NVL: variants seen among roughly 807,000 people sequenced by gnomAD.
The protein encoded by NVL is nuclear valosin-containing protein-like.
NVL carries 84 observed loss-of-function variants against 110.2 expected under a neutral mutation model. The observed-to-expected ratio is 0.76, with a 90% CI of 0.64 to 0.91. The LOEUF is 0.91. NVL is among the 40% of genes least tolerant of loss of function. The pLI, the probability that NVL is intolerant of heterozygous loss-of-function variation, is 0.00. For missense variants in NVL, 882 were observed against 1,035.9 expected, an observed-to-expected ratio of 0.85 and a Z score of 2.04; for synonymous variants, 354 against 361.1, an observed-to-expected ratio of 0.98 and a Z score of 0.22.
At chr1:224,242,566 C>T (rs1219120775) in intron 19 of NVL, among the ~76,000 whole-genome samples, 1 of 136,974 alleles carries the variant, frequency 7.3e-6, no homozygotes, top group Non-Finnish European at 1.5e-5. Context: ...TCACTAGGTT[C>T]AAGCGATTCT....
chr1:224,300,129 C>T (rs913621707), intron 10 of NVL, among the ~76,000 whole-genome samples: 2 of 152,104 alleles, frequency 1.3e-5, no homozygotes, highest in Non-Finnish European at 2.9e-5. Context: ...TATTATTGCC[C>T]TAGTTTACTA....
intron 19 of NVL, among the ~76,000 whole-genome samples, chr1:224,246,957 G>A (rs1661899308): frequency 6.6e-6 from 1 of 151,534 alleles, no homozygotes; most frequent in Non-Finnish European, 1.5e-5. Context: ...TAGGAGATAT[G>A]CTTGAACCCA....
chr1:224,246,460 C>T (rs1661832619), intron 19 of NVL, among the ~76,000 whole-genome samples: 1 of 152,166 alleles, frequency 6.6e-6, no homozygotes, highest in Non-Finnish European at 1.5e-5. Flanking sequence ...TGAAACACAG[C>T]AGGAAGAATG....
rs546322782 is a variant in NVL, at chr1:224,304,627, A to G, written c.825+109T>C. ...CAGGTTTGCCCTTCTCAACCTTCCCAGTTTCCTTTTCTACACCCAGATCAT... is the reference window on the plus strand; with the variant it reads ...CAGGTTTGCCCTTCTCAACCTTCCCGGTTTCCTTTTCTACACCCAGATCAT... On this transcript the variant is annotated intron_variant, in intron 8 of 22. Coordinates refer to ENST00000281701, the MANE Select transcript of NVL (RefSeq NM_002533.4). 4.2e-4 allele frequency: 384 copies of G among 915,810 alleles called. 1 individual carries two copies. Among genetic ancestry groups the G allele is most frequent in the Middle Eastern group, 1.9e-3 (6 of 3,136 alleles). 56.7% of individuals were successfully genotyped at this position (915,810 alleles called of 1,614,324 possible).
In NVL at chr1:224,308,150, C is replaced by T. The variant is rs7534447; in HGVS notation, c.456G>A (p.Arg152=). Residue 152 remains arginine (R), a synonymous_variant, in exon 6 of 23, where the codon CGG becomes CGA. Coordinates refer to ENST00000281701, the MANE Select transcript of NVL (RefSeq NM_002533.4). ...EQRETTSSTP[R]ISSKTGSIPL... ...GAATGGAGCCTGTTTTGGAACTTAT[C>T]CGTGGTGTTGAAGAGGTGGTTTCTC... The T allele has an allele frequency of 0.93, 1,493,050 of 1,613,864 alleles. 695,578 individuals carry two copies. The highest frequency in any genetic ancestry group is 0.95 in the Admixed American group (56,878 of 59,988).
chr1:224,308,536 CAAAAATT>C (rs1669166157), intron 5 of NVL, among the ~76,000 whole-genome samples: 1 of 151,224 alleles, frequency 6.6e-6, no homozygotes, highest in Admixed American at 6.6e-5. Flanking sequence ...AGTAAAAATA[CAAAAATT>C]AGCCGGGCGC....
At chr1:224,254,572 G>GT (rs71168400) in intron 18 of NVL, among the ~76,000 whole-genome samples, 101,108 of 133,898 alleles carry the variant, frequency 0.76, 40,199 homozygotes, top group Non-Finnish European at 0.89. Context: ...TGTTTTTTTT[G>GT]TTTTTTTTTT....
chr1:224,259,625 T>C (rs1209498612), intron 18 of NVL, among the ~76,000 whole-genome samples: 2 of 152,084 alleles, frequency 1.3e-5, no homozygotes, highest in Non-Finnish European at 2.9e-5. Context: ...TCATGATTCA[T>C]TAAACAAATA....
chr1:224,238,279 C>T (rs555433264), intron 19 of NVL, among the ~76,000 whole-genome samples: 4 of 152,266 alleles, frequency 2.6e-5, no homozygotes, highest in South Asian at 4.1e-4. Context: ...GCGATCTGCC[C>T]GCCTTGGCCA....
At chr1:224,307,856 T>G (rs1669091174) in intron 6 of NVL, 135 bp downstream of exon 6, 1 of 725,504 alleles carries the variant, frequency 1.4e-6, no homozygotes, top group Non-Finnish European at 2.1e-6. Flanking sequence ...AGCAGTGCAA[T>G]GTGATCAAAT....
chr1:224,236,867 T>C (rs1378088640), intron 19 of NVL, among the ~76,000 whole-genome samples: 1 of 152,176 alleles, frequency 6.6e-6, no homozygotes, highest in African/African-American at 2.4e-5. Flanking sequence ...GCAGAGATCA[T>C]GCCACTGCAC....
chr1:224,276,447 C>T (rs1468051358), intron 16 of NVL, among the ~76,000 whole-genome samples: 1 of 152,114 alleles, frequency 6.6e-6, no homozygotes, highest in Non-Finnish European at 1.5e-5. Context: ...CCATGTTGGC[C>T]AGGCTGGTCT....
chr1:224,253,448 T>C (rs1383468273), intron 18 of NVL, among the ~76,000 whole-genome samples: 2 of 151,664 alleles, frequency 1.3e-5, no homozygotes, highest in Non-Finnish European at 2.9e-5. Flanking sequence ...TTTTAAGAAA[T>C]TGCTGGCCGG....
rs1455472182 is a variant in NVL, at chr1:224,300,645, A to G, written c.979T>C (p.Leu327=). The G allele has an allele frequency of 6.2e-7, 1 of 1,613,838 alleles. No homozygotes were observed. Among genetic ancestry groups the G allele is most frequent in the South Asian group, 1.1e-5 (1 of 91,048 alleles). The change falls in exon 10 of 23, where the codon TTG becomes CTG. Residue 327 remains leucine (L), a synonymous_variant. Coordinates refer to ENST00000281701, the MANE Select transcript of NVL (RefSeq NM_002533.4). The part of the protein sequence containing the change: ...AIAGELDLPI[L]KVAAPEIVSG... ...ACAATCTCTGGAGCAGCCACTTTCA[A>G]AATTGGCAGGTCAAGTTCCTATGCA... is the stretch of plus-strand genomic sequence containing the variant.
chr1:224,321,125 GCCTTAGTT>G (rs1670602931), intron 2 of NVL, among the ~76,000 whole-genome samples: 1 of 152,020 alleles, frequency 6.6e-6, no homozygotes, highest in African/African-American at 2.4e-5. Flanking sequence ...GGTGGCATGT[GCCTTAGTT>G]CCAGCCATCT....
rs1293700540 is a variant in NVL at position 224,308,186 on chromosome 1, C to G, written c.420G>C (p.Glu140Asp). The G allele has an allele frequency of 6.2e-7, 1 of 1,613,972 alleles. No individual in the cohort carries two copies. The highest frequency in any genetic ancestry group is 8.5e-7 in the Non-Finnish European group (1 of 1,179,958). The change falls in exon 6 of 23, where the codon GAG becomes GAC. Residue 140 changes from glutamate to aspartate, a missense_variant. By Grantham distance (45) the Glu-to-Asp change is conservative. Transcript: ENST00000281701. ...GNPDSVSNTPEMEQRETTSST... is the reference protein window; with the variant it reads ...GNPDSVSNTPDMEQRETTSST... ...AAGAGGTGGTTTCTCTTTGCTCCAT[C>G]TCAGGAGTATTTGAAACAGAATCAG...
chr1:224,272,464 T>G (rs1665224547), intron 17 of NVL, among the ~76,000 whole-genome samples: 2 of 152,160 alleles, frequency 1.3e-5, no homozygotes, highest in Non-Finnish European at 2.9e-5. Context: ...ACATCTGTAA[T>G]GCCAGCACTT....
Position 224,291,440 on chromosome 1 carries a change from G to A in NVL, c.1326-1707C>T, listed in dbSNP as rs1249087896. Among the ~76,000 whole-genome samples, 52 of 152,150 alleles carry A rather than the reference G, an allele frequency of 3.4e-4. 1 individual carries two copies. On this transcript the variant is annotated intron_variant, in intron 12 of 22. Transcript: ENST00000281701. ...AATATATTTTAAAATTAATAACTTT[G>A]TAAAGAAGACTAATATTTTCAAATG...
intron 17 of NVL, among the ~76,000 whole-genome samples, chr1:224,272,458 C>A (rs1665223095): frequency 6.6e-6 from 1 of 152,188 alleles, no homozygotes; most frequent in Admixed American, 6.5e-5. Context: ...TGGCTCACAT[C>A]TGTAATGCCA....
Sources: gnomAD v4.1 joint callset for allele counts (sites outside exome capture counted in the v4.1 genomes callset) on GRCh38, gnomAD v4.1.1 for gene constraint, MANE v1.5 for transcripts, NCBI Gene and HGNC (gene_info 2026-07-23, HGNC 2026-07-21) for gene names.